Variants in NCAM1 observed in about 807,000 individuals in gnomAD.
NCAM1 encodes the protein antigen recognized by monoclonal antibody 5.1H11.
Under a neutral mutation model 109.8 loss-of-function variants are expected in NCAM1, and 14 were observed. The observed-to-expected ratio is 0.13, with a 90% CI of 0.08 to 0.20. The LOEUF (loss-of-function observed/expected upper bound fraction) is 0.20. NCAM1 is among the 10% of genes least tolerant of loss of function. NCAM1 has a pLI of 1.00. For synonymous variants in NCAM1, 418 were observed against 442.9 expected, an observed-to-expected ratio of 0.94 and a Z score of 0.70; for missense variants, 774 against 1,109.9, an observed-to-expected ratio of 0.70 and a Z score of 4.30.
At chr11:113,103,867 T>G (rs1300927664) in intron 1 of NCAM1, among the ~76,000 whole-genome samples, 1 of 152,098 alleles carries the variant, frequency 6.6e-6, no homozygotes, top group East Asian at 1.9e-4. Flanking sequence ...GCACTAAAAT[T>G]AGATTTTTAT....
intron 1 of NCAM1, among the ~76,000 whole-genome samples, chr11:113,130,078 T>C (rs993583260): frequency 1.3e-5 from 2 of 152,192 alleles, no homozygotes; most frequent in Non-Finnish European, 2.9e-5. Context: ...GATGGCCACA[T>C]AGAAGACAGG....
At chr11:113,097,880 CTTTA>C (rs1221828919) in intron 1 of NCAM1, among the ~76,000 whole-genome samples, 32 of 152,152 alleles carry the variant, frequency 2.1e-4, no homozygotes, top group African/African-American at 7.0e-4. Flanking sequence ...TATAGAGAGA[CTTTA>C]TTTATCTCCT....
chr11:113,068,398 A>G (rs1223680080), intron 1 of NCAM1, among the ~76,000 whole-genome samples: 1 of 152,186 alleles, frequency 6.6e-6, no homozygotes, highest in Admixed American at 6.5e-5. Flanking sequence ...TAAGGTTCTT[A>G]TGAAAATTAA....
rs950236460 is a variant in NCAM1, at chr11:112,962,359, G to A, written c.52+695G>A. 6.6e-5 allele frequency among the ~76,000 whole-genome samples: 10 copies of A among 152,250 alleles called. No homozygotes were observed. The highest frequency in any genetic ancestry group is 3.4e-3 in the Middle Eastern group (1 of 294). On this transcript the variant is annotated intron_variant, in intron 1 of 19. Coordinates refer to ENST00000316851, the MANE Select transcript of NCAM1 (RefSeq NM_181351.5). The surrounding 1 kb of genome is among the most constrained non-coding windows in gnomAD (Gnocchi z 5.6). ...CTCGGCCGCGAGCACTGAAGGATGG[G>A]AGGGTCGAGCGCCGCGTTTTGACAG... is the stretch of plus-strand genomic sequence containing the variant.
At chr11:113,111,601 T>C (rs1173960580) in intron 1 of NCAM1, among the ~76,000 whole-genome samples, 1 of 152,234 alleles carries the variant, frequency 6.6e-6, no homozygotes, top group Non-Finnish European at 1.5e-5. Context: ...TATATGACTG[T>C]ATACATTTGT....
chr11:113,049,996 T>C (rs893487635), intron 1 of NCAM1, among the ~76,000 whole-genome samples: 5 of 152,172 alleles, frequency 3.3e-5, no homozygotes, highest in Admixed American at 2.0e-4. Context: ...AAAGAATGCC[T>C]TGGAGAAAGT....
intron 1 of NCAM1, among the ~76,000 whole-genome samples, chr11:113,029,974 C>T (rs1555078061): frequency 6.6e-6 from 1 of 152,130 alleles, no homozygotes; most frequent in Admixed American, 6.5e-5. Context: ...TCTCCCTGCC[C>T]TACTAGTTGT....
chr11:113,091,695 A>G (rs1939350499), intron 1 of NCAM1, among the ~76,000 whole-genome samples: 1 of 152,222 alleles, frequency 6.6e-6, no homozygotes, highest in South Asian at 2.1e-4. Flanking sequence ...TAAAACTCAC[A>G]TGCAGTATCT....
intron 1 of NCAM1, among the ~76,000 whole-genome samples, chr11:113,065,815 A>G (rs1434487765): frequency 6.6e-6 from 1 of 152,210 alleles, no homozygotes; most frequent in Non-Finnish European, 1.5e-5. Context: ...GAATAAAAGG[A>G]AATTTGAATA....
Position 113,275,568 on chromosome 11 carries a change from A to C in NCAM1, c.*181A>C, listed in dbSNP as rs1318554149. On this transcript the variant is annotated 3_prime_UTR_variant, in exon 20 of 20. Transcript: ENST00000316851. Reference sequence around the variant, plus strand: ...AAAACTAAACAGATAAAACATGGGAATCTCCTTTTTGTAGGTTTATAGAAA... The same window carrying C: ...AAAACTAAACAGATAAAACATGGGACTCTCCTTTTTGTAGGTTTATAGAAA... 22 of 748,126 alleles carry C rather than the reference A, an allele frequency of 2.9e-5. No homozygotes were observed. Among genetic ancestry groups the C allele is most frequent in the Non-Finnish European group, 4.4e-5 (22 of 499,618 alleles). 46.3% of individuals were successfully genotyped at this position (748,126 alleles called of 1,614,324 possible).
At chr11:113,131,201 T>G (rs1555098247) in intron 1 of NCAM1, among the ~76,000 whole-genome samples, 1 of 152,088 alleles carries the variant, frequency 6.6e-6, no homozygotes, top group African/African-American at 2.4e-5. Flanking sequence ...TTAATTGAAG[T>G]CTATTTGTCT....
chr11:113,119,157 G>A (rs1349352764), intron 1 of NCAM1, among the ~76,000 whole-genome samples: 1 of 151,996 alleles, frequency 6.6e-6, no homozygotes, highest in Non-Finnish European at 1.5e-5. Context: ...GGAAGGGAGA[G>A]AAAGACGCTC....
At chr11:113,260,429 A>G (rs1945957633) in intron 17 of NCAM1, 106 bp downstream of exon 17, 15 of 1,221,672 alleles carry the variant, frequency 1.2e-5, no homozygotes, top group Non-Finnish European at 2.3e-6. Flanking sequence ...GCTTACAGCC[A>G]TCCTCATGAT....
At chr11:113,099,683 T>G (rs1555091153) in intron 1 of NCAM1, among the ~76,000 whole-genome samples, 1 of 152,112 alleles carries the variant, frequency 6.6e-6, no homozygotes, top group African/African-American at 2.4e-5. Context: ...TTTTATGTAT[T>G]TATTTTTATT....
chr11:113,207,708 A>G (rs782522697), intron 6 of NCAM1, 125 bp from the exon 7 acceptor site: 96 of 1,076,558 alleles, frequency 8.9e-5, no homozygotes, highest in Non-Finnish European at 1.2e-4. Context: ...TGGTGCCTTA[A>G]CTTTTTGTGA....
At chr11:113,223,578 C>A (rs182493562) in intron 9 of NCAM1, among the ~76,000 whole-genome samples, 3 of 152,288 alleles carry the variant, frequency 2.0e-5, no homozygotes, top group East Asian at 3.9e-4. Flanking sequence ...CCTGTTCTTG[C>A]GTACATTCAT....
In NCAM1 at chr11:113,167,454, G is replaced by A. The variant is rs797042953; in HGVS notation, c.53-34925G>A. 5.9e-5 allele frequency among the ~76,000 whole-genome samples: 9 copies of A among 151,814 alleles called. No individual in the cohort carries two copies. In the South Asian group the frequency reaches 1.9e-3, roughly 32 times the overall value. The stretch of plus-strand genomic sequence containing the variant: ...CAGTGGCTCAGGCCACTTCTCCACA[G>A]GCCTTCCTGTGAAGGTGGGTGTCAT... On this transcript the variant is annotated intron_variant, in intron 1 of 19. Transcript: ENST00000316851.
intron 5 of NCAM1, 113 bp downstream of exon 5, chr11:113,206,293 C>A: frequency 5.4e-6 from 6 of 1,111,082 alleles, no homozygotes; most frequent in Non-Finnish European, 5.0e-6. Flanking sequence ...CTGACTCAAT[C>A]ATCCGTCTGA....
intron 1 of NCAM1, among the ~76,000 whole-genome samples, chr11:113,160,833 T>C (rs1180261312): frequency 2.0e-5 from 3 of 152,224 alleles, no homozygotes; most frequent in Non-Finnish European, 4.4e-5. Context: ...CCAAGCTCGC[T>C]GGACTCTGCT....
Sources: gnomAD v4.1 joint callset for allele counts (sites outside exome capture counted in the v4.1 genomes callset) on GRCh38, gnomAD v4.1.1 for gene constraint, Gnocchi (gnomAD v3.1) non-coding constraint, MANE v1.5 for transcripts, NCBI Gene and HGNC (gene_info 2026-07-23, HGNC 2026-07-21) for gene names.